C10orf143: variants seen among roughly 807,000 people sequenced by gnomAD.
C10orf143 encodes the protein chromosome 10 open reading frame 143.
chr10:130,079,660 A>T (rs1170285767), intron 2 of C10orf143, 32 bp from the exon 3 acceptor site: 5 of 398,926 alleles, frequency 1.3e-5, no homozygotes, highest in Non-Finnish European at 1.8e-5. Flanking sequence ...CAGATATATC[A>T]GAACAATGAT....
intron 3 of C10orf143, among the ~76,000 whole-genome samples, chr10:130,055,952 T>TAAAAAAAAAAAAAA (rs369284797): frequency 1.6e-3 from 105 of 65,864 alleles, no homozygotes; most frequent in Middle Eastern, 0.021. Flanking sequence ...TCTCCAAAAG[T>TAAAAAAAAAAAAAA]AAAAAAAAAA....
chr10:130,044,487 G>A (rs1860643587), intron 3 of C10orf143, among the ~76,000 whole-genome samples: 2 of 152,180 alleles, frequency 1.3e-5, no homozygotes, highest in South Asian at 4.1e-4. Context: ...AGGGCTGCCA[G>A]GGAGCCAGGG....
chr10:130,061,526 C>T (rs974142322), downstream of C10orf143, among the ~76,000 whole-genome samples: 1 of 152,176 alleles, frequency 6.6e-6, no homozygotes, highest in Non-Finnish European at 1.5e-5. Flanking sequence ...TACGTTTTGA[C>T]ATTTTTAGCC....
chr10:130,038,426 G>A (rs1227174154), intron 3 of C10orf143, among the ~76,000 whole-genome samples: 1 of 152,156 alleles, frequency 6.6e-6, no homozygotes, highest in Admixed American at 6.5e-5. Context: ...TCTCATCCAG[G>A]AGCATCTGTC....
chr10:130,106,153 T>C (rs1344040254), intron 1 of C10orf143: 1 of 811,700 alleles, frequency 1.2e-6, no homozygotes, highest in Non-Finnish European at 2.1e-6. Flanking sequence ...ATTCGAATCC[T>C]CATGGTTTTC....
At chr10:130,044,408 C>G (rs1297410226) in intron 3 of C10orf143, among the ~76,000 whole-genome samples, 1 of 152,162 alleles carries the variant, frequency 6.6e-6, no homozygotes, top group African/African-American at 2.4e-5. Flanking sequence ...CCTGGGCTTC[C>G]CTTCACTCCC....
chr10:130,041,029 C>T (rs1860601430), intron 3 of C10orf143, among the ~76,000 whole-genome samples: 1 of 152,116 alleles, frequency 6.6e-6, no homozygotes. Context: ...CTCCAGGAGG[C>T]CCTGACAGGT....
At chr10:130,085,690 C>T in intron 1 of C10orf143, among the ~76,000 whole-genome samples, 1 of 152,230 alleles carries the variant, frequency 6.6e-6, no homozygotes, top group East Asian at 1.9e-4. Context: ...AGATCATTAA[C>T]AAGCTTAAGT....
chr10:130,049,420 C>A (rs1262397856), intron 3 of C10orf143, among the ~76,000 whole-genome samples: 1 of 152,202 alleles, frequency 6.6e-6, no homozygotes, highest in Non-Finnish European at 1.5e-5. Context: ...GGAAAACATG[C>A]CCCGGGTGCC....
At chr10:130,072,467 G>A (rs1861048399) in intron 3 of C10orf143, among the ~76,000 whole-genome samples, 1 of 151,966 alleles carries the variant, frequency 6.6e-6, no homozygotes, top group African/African-American at 2.4e-5. Flanking sequence ...TGCTGTGCTT[G>A]GGGGATTTAT....
chr10:130,084,651 TACACAC>T (rs56725445), intron 1 of C10orf143, among the ~76,000 whole-genome samples: 6 of 150,372 alleles, frequency 4.0e-5, no homozygotes, highest in South Asian at 2.1e-4. Context: ...GTGCAGGTGA[TACACAC>T]ACACACACAC....
At chr10:130,039,119 CACCCCAGCAGCTGGGAACGGTGACACT>C (rs1019459810) in intron 3 of C10orf143, among the ~76,000 whole-genome samples, 4 of 151,740 alleles carry the variant, frequency 2.6e-5, no homozygotes, top group South Asian at 4.1e-4. Context: ...GCTGCTCTGT[CACCCCAGCAGCTGGGAACGGTGACACT>C]AGCCCAGCCA....
downstream of C10orf143, among the ~76,000 whole-genome samples, chr10:130,062,014 GACA>G (rs1206798672): frequency 1.3e-5 from 2 of 152,178 alleles, no homozygotes; most frequent in Non-Finnish European, 1.5e-5. Flanking sequence ...GCTGCCAGGG[GACA>G]ACAAGGCCAC....
In C10orf143 at chr10:130,106,187, G is replaced by C. The variant is rs755571348; in HGVS notation, c.69+4517C>G. The C allele has an allele frequency of 7.4e-6, 7 of 946,252 alleles. No individual in the cohort carries two copies. The South Asian group carries it at 9.0e-5, about 12-fold the overall frequency. The allele number at this position is 946,252 out of a possible 1,614,324, so 58.6% of individuals were successfully genotyped here. On this transcript the variant is annotated intron_variant, in intron 1 of 3. Transcript: ENST00000637128. ...TCCATGGGAAATGGTGATATGTGCA[G>C]CTGTTGCTGCATTTTTTGCTGTTCT...
In C10orf143 at chr10:130,079,916, A is replaced by G. The variant is rs1214727678; in HGVS notation, c.70-15T>C. The G allele has an allele frequency of 2.5e-6, 1 of 398,472 alleles. No individual in the cohort carries two copies. Among genetic ancestry groups the G allele is most frequent in the Non-Finnish European group, 4.4e-6 (1 of 226,082 alleles). 24.7% of individuals were successfully genotyped at this position (398,472 alleles called of 1,614,324 possible). A position where few individuals can be genotyped will look rare whatever the true frequency, so the allele number is the denominator to read the frequency against. On this transcript the variant is annotated splice_polypyrimidine_tract_variant and intron_variant, in intron 1 of 3. Coordinates refer to ENST00000637128, the MANE Select transcript of C10orf143 (RefSeq NM_001355042.2). ...CATACCCGTTTCTGAAACAAACAAA[A>G]TTTTACTTTAGATGGTCTCATAAAG... is the stretch of plus-strand genomic sequence containing the variant.
At chr10:130,062,099 G>A (rs1860863731), downstream of C10orf143, among the ~76,000 whole-genome samples, 1 of 152,158 alleles carries the variant, frequency 6.6e-6, no homozygotes, top group Non-Finnish European at 1.5e-5. Flanking sequence ...AGGAAAATCT[G>A]GAATTTCTGA....
Position 130,056,888 on chromosome 10 carries a change from G to A in C10orf143, c.298-20918C>T, listed in dbSNP as rs943344630. 2.6e-5 allele frequency among the ~76,000 whole-genome samples: 4 copies of A among 151,510 alleles called. No individual in the cohort carries two copies. The highest frequency in any genetic ancestry group is 9.7e-5 in the African/African-American group (4 of 41,166). On this transcript the variant is annotated intron_variant and NMD_transcript_variant, in intron 3 of 5. Transcript: ENST00000643056. The surrounding 1 kb of genome is among the most constrained non-coding windows in gnomAD (Gnocchi z 4.6). ...TTACAGGCGTGAGCCACTGTGCCCG[G>A]CCAGTTGCTTTCATTTTTTATACAG... is the stretch of plus-strand genomic sequence containing the variant.
At chr10:130,105,776 C>T (rs1430173737) in intron 1 of C10orf143, among the ~76,000 whole-genome samples, 1 of 152,192 alleles carries the variant, frequency 6.6e-6, no homozygotes, top group Non-Finnish European at 1.5e-5. Flanking sequence ...TCCCCACCTC[C>T]CCACGGCTGC....
intron 1 of C10orf143, chr10:130,107,753 A>C: frequency 8.1e-7 from 1 of 1,237,872 alleles, no homozygotes. Flanking sequence ...TCAGATTACC[A>C]AGGAAAGAGG....
Sources: gnomAD v4.1 joint callset for allele counts (sites outside exome capture counted in the v4.1 genomes callset) on GRCh38, gnomAD v4.1.1 for gene constraint, Gnocchi (gnomAD v3.1) non-coding constraint, MANE v1.5 for transcripts, NCBI Gene and HGNC (gene_info 2026-07-23, HGNC 2026-07-21) for gene names.